Variants in PRKAG2 observed in about 807,000 individuals in gnomAD.
PRKAG2 encodes the protein protein kinase AMP-activated non-catalytic subunit gamma 2.
A neutral mutation model predicts 69.6 loss-of-function variants in PRKAG2; 26 were observed. That is an observed-to-expected ratio of 0.37 (90% CI 0.27 to 0.52). The LOEUF (loss-of-function observed/expected upper bound fraction) is 0.52, where lower values mean the gene tolerates loss of function less well. Ranked by LOEUF, PRKAG2 falls within the 20% of genes least tolerant of loss-of-function variation. The pLI, the probability that PRKAG2 is intolerant of heterozygous loss-of-function variation, is 0.90. For synonymous variants in PRKAG2, 293 were observed against 285.0 expected, an observed-to-expected ratio of 1.03 and a Z score of -0.28; for missense variants, 557 against 740.0, an observed-to-expected ratio of 0.75 and a Z score of 2.87.
chr7:151,855,423 G>C (rs878913367), intron 1 of PRKAG2, among the ~76,000 whole-genome samples: 13 of 5,110 alleles, frequency 2.5e-3, no homozygotes, highest in Non-Finnish European at 3.6e-3. Context: ...CATACACCAT[G>C]CTCCACACAC....
At chr7:151,683,695 C>A (rs565303338) in intron 3 of PRKAG2, among the ~76,000 whole-genome samples, 8 of 152,102 alleles carry the variant, frequency 5.3e-5, no homozygotes, top group African/African-American at 1.9e-4. Flanking sequence ...GGATGGCGAG[C>A]GCCGTGAGGG....
chr7:151,870,800 G>A (rs989235372), intron 1 of PRKAG2, among the ~76,000 whole-genome samples: 2 of 152,240 alleles, frequency 1.3e-5, no homozygotes, highest in Admixed American at 6.5e-5. Flanking sequence ...TTGAGGCCAC[G>A]CGGCGGGGGG....
chr7:151,813,366 C>G (rs1303741402), intron 1 of PRKAG2, among the ~76,000 whole-genome samples: 1 of 151,992 alleles, frequency 6.6e-6, no homozygotes, highest in Non-Finnish European at 1.5e-5. Flanking sequence ...TGCACAGAAT[C>G]AAGCCTCCCC....
chr7:151,655,964 A>G (rs1020231350), intron 4 of PRKAG2, among the ~76,000 whole-genome samples: 2 of 152,220 alleles, frequency 1.3e-5, no homozygotes, highest in Non-Finnish European at 2.9e-5. Flanking sequence ...TGACATGGTA[A>G]AAGTCAAACA....
At chr7:151,710,445 G>A (rs894608729) in intron 3 of PRKAG2, among the ~76,000 whole-genome samples, 2 of 152,142 alleles carry the variant, frequency 1.3e-5, no homozygotes, top group African/African-American at 2.4e-5. Flanking sequence ...ATGAACCTTC[G>A]TGGGAAGAGA....
intron 3 of PRKAG2, among the ~76,000 whole-genome samples, chr7:151,737,938 C>T (rs112628716): frequency 1.7e-5 from 2 of 120,834 alleles, no homozygotes; most frequent in Admixed American, 1.7e-4. Context: ...TCTGCCACTC[C>T]CACGGGGCCT....
chr7:151,704,543 G>A (rs987731341), intron 3 of PRKAG2, among the ~76,000 whole-genome samples: 1 of 152,154 alleles, frequency 6.6e-6, no homozygotes, highest in Non-Finnish European at 1.5e-5. Flanking sequence ...GCATCTGGGC[G>A]GCGTCTACTC....
intron 6 of PRKAG2, among the ~76,000 whole-genome samples, chr7:151,577,429 C>A (rs952812242): frequency 1.6e-4 from 25 of 152,122 alleles, no homozygotes; most frequent in Non-Finnish European, 1.0e-4. Flanking sequence ...AATGTCCAAC[C>A]TTATTAATAA....
chr7:151,724,559 G>T lies in PRKAG2; in HGVS notation c.467-48922C>A, dbSNP rs537929258. Among the ~76,000 whole-genome samples the T allele has an allele frequency of 3.9e-5, 6 of 152,242 alleles. No individual in the cohort carries two copies. The South Asian group carries it at 6.3e-4, about 16-fold the overall frequency. On this transcript the variant is annotated intron_variant, in intron 3 of 15. Coordinates refer to ENST00000287878, the MANE Select transcript of PRKAG2 (RefSeq NM_016203.4). ...CGGGCCCTTGGAGGGTAGAGCTGGT[G>T]CTGGCTCACTTGTCTCCAGGTCCCG...
chr7:151,560,167 GCCAGTGACGTT>G (rs1804592712), intron 15 of PRKAG2: 1 of 985,184 alleles, frequency 1.0e-6, no homozygotes, highest in African/African-American at 1.7e-5. Flanking sequence ...TCAAATAGAA[GCCAGTGACGTT>G]CCCTCTATGT....
At chr7:151,610,277 G>A (rs1387742956) in intron 5 of PRKAG2, among the ~76,000 whole-genome samples, 1 of 152,184 alleles carries the variant, frequency 6.6e-6, no homozygotes, top group African/African-American at 2.4e-5. Context: ...ACTGAGACGG[G>A]AGAATGGCGT....
chr7:151,682,267 G>A (rs528450171), intron 3 of PRKAG2, among the ~76,000 whole-genome samples: 2 of 152,204 alleles, frequency 1.3e-5, no homozygotes, highest in Admixed American at 1.3e-4. Flanking sequence ...TTGAGACAAG[G>A]TCTCACTCTG....
chr7:151,857,399 C>A (rs1455793596), intron 1 of PRKAG2, among the ~76,000 whole-genome samples: 143 of 122,894 alleles, frequency 1.2e-3, no homozygotes, highest in East Asian at 1.7e-3. Context: ...CTGGAAGTAC[C>A]AAAAAAAAAA....
Position 151,576,370 on chromosome 7 carries a change from C to A in PRKAG2, c.946+1G>T. On this transcript the variant is annotated splice_donor_variant, in intron 7 of 15. Coordinates refer to ENST00000287878, the MANE Select transcript of PRKAG2 (RefSeq NM_016203.4). LOFTEE classifies it high-confidence loss of function. ...ATTTTCCTCAGGCCCACACTGCTTA[C>A]CTACAAAACTTTGTTTTTTACTCTC... 6.3e-7 allele frequency: 1 copy of A among 1,596,936 alleles called. No homozygotes were observed. Among genetic ancestry groups the A allele is most frequent in the Non-Finnish European group, 8.6e-7 (1 of 1,164,494 alleles).
intron 1 of PRKAG2, chr7:151,806,513 C>T (rs1490988959): frequency 6.4e-6 from 1 of 156,764 alleles, no homozygotes; most frequent in Non-Finnish European, 1.4e-5. Context: ...ATGTTATCAA[C>T]TTCGGTCACG....
At chr7:151,684,398 G>A (rs953004812) in intron 3 of PRKAG2, among the ~76,000 whole-genome samples, 31 of 152,328 alleles carry the variant, frequency 2.0e-4, no homozygotes, top group African/African-American at 7.2e-4. Context: ...AACCTGGGCT[G>A]GACCCTAAGT....
At chr7:151,568,671 T>A (rs1459262197) in intron 11 of PRKAG2, 45 bp downstream of exon 11, 5 of 1,598,312 alleles carry the variant, frequency 3.1e-6, no homozygotes, top group Non-Finnish European at 4.3e-6. Flanking sequence ...CATTATTTAA[T>A]AAGTAAATGC....
intron 1 of PRKAG2, among the ~76,000 whole-genome samples, chr7:151,868,973 G>A (rs1380722716): frequency 1.3e-5 from 2 of 152,206 alleles, no homozygotes; most frequent in Non-Finnish European, 2.9e-5. Context: ...ATGAAGAGGC[G>A]TTGGCAAATA....
chr7:151,804,670 T>C lies in PRKAG2; in HGVS notation c.115-18129A>G, dbSNP rs1038536468. On this transcript the variant is annotated intron_variant, in intron 1 of 15. Transcript: ENST00000287878. ...GCTATTTTGTTCAACACCTGGACTT[T>C]TGCTGGGTTGGTAAGACGTGGCATC... Among the ~76,000 whole-genome samples, 4 of 152,200 alleles carry C rather than the reference T, an allele frequency of 2.6e-5. No individual in the cohort carries two copies. In the South Asian group the frequency reaches 6.2e-4, roughly 24 times the overall value.
Sources: allele counts gnomAD v4.1 joint callset (sites outside exome capture counted in the v4.1 genomes callset), GRCh38; gene constraint gnomAD v4.1.1; transcripts MANE v1.5; gene names NCBI Gene and HGNC (gene_info 2026-07-23, HGNC 2026-07-21).